The following DCC variants were observed in gnomAD, a reference collection of about 807,000 sequenced individuals.
DCC encodes DCC netrin 1 receptor.
In DCC, 58 loss-of-function variants were observed where a neutral mutation model predicts 172.5. That is an observed-to-expected ratio of 0.34 (90% CI 0.27 to 0.42). The LOEUF (loss-of-function observed/expected upper bound fraction) is 0.42. DCC is among the 10% of genes least tolerant of loss of function. The probability of loss-of-function intolerance (pLI) is 1.00; values close to 1 mark genes in which losing one functional copy is unlikely to be tolerated. For synonymous variants in DCC, 709 were observed against 644.5 expected (o/e 1.10, Z -1.52); for missense variants, 1,740 against 1,791.0 (o/e 0.97, Z 0.51).
chr18:52,774,819 T>C (rs1432410534), intron 2 of DCC, among the ~76,000 whole-genome samples: 1 of 152,188 alleles, frequency 6.6e-6, no homozygotes, highest in Non-Finnish European at 1.5e-5. Context: ...AAGGCATATA[T>C]GACACCTCTA....
At chr18:52,973,253 C>G (rs990067088) in intron 5 of DCC, among the ~76,000 whole-genome samples, 1 of 152,120 alleles carries the variant, frequency 6.6e-6, no homozygotes, top group Non-Finnish European at 1.5e-5. Flanking sequence ...TGTTTAATAA[C>G]TTTAGTTAAA....
chr18:53,031,860 GTA>G (rs1033282565), intron 5 of DCC, among the ~76,000 whole-genome samples: 3 of 152,012 alleles, frequency 2.0e-5, no homozygotes, highest in Admixed American at 6.6e-5. Flanking sequence ...GTGGGAGTGT[GTA>G]TGTGTGTGTG....
At chr18:52,900,132 G>A in intron 2 of DCC, among the ~76,000 whole-genome samples, 1 of 152,164 alleles carries the variant, frequency 6.6e-6, no homozygotes. Flanking sequence ...GCTACTATGA[G>A]GAAGTGAGAA....
chr18:52,506,833 A>C (rs2031246009), intron 1 of DCC, among the ~76,000 whole-genome samples: 1 of 152,120 alleles, frequency 6.6e-6, no homozygotes, highest in African/African-American at 2.4e-5. Context: ...ATGTTTGAAG[A>C]ATAATTTTAG....
intron 1 of DCC, among the ~76,000 whole-genome samples, chr18:52,556,558 G>C (rs972023372): frequency 6.6e-6 from 1 of 152,074 alleles, no homozygotes; most frequent in African/African-American, 2.4e-5. Context: ...CCCAATTCAT[G>C]CAAGGGCAGA....
chr18:52,772,078 A>T (rs1481729951), intron 2 of DCC, among the ~76,000 whole-genome samples: 1 of 152,152 alleles, frequency 6.6e-6, no homozygotes, highest in South Asian at 2.1e-4. Context: ...TCAATGATAC[A>T]TTCTTTTTAC....
intron 15 of DCC, among the ~76,000 whole-genome samples, chr18:53,372,529 T>A (rs549305368): frequency 2.6e-5 from 4 of 152,072 alleles, no homozygotes; most frequent in African/African-American, 9.6e-5. Flanking sequence ...TACCTGGTAA[T>A]AATAATCTGT....
intron 12 of DCC, among the ~76,000 whole-genome samples, chr18:53,235,274 C>G (rs542600154): frequency 2.6e-5 from 4 of 152,230 alleles, no homozygotes; most frequent in Non-Finnish European, 5.9e-5. Flanking sequence ...TTAAAAGACT[C>G]ATTATCCCTG....
chr18:53,348,905 G>A (rs2057755297), intron 15 of DCC, among the ~76,000 whole-genome samples: 1 of 152,124 alleles, frequency 6.6e-6, no homozygotes, highest in African/African-American at 2.4e-5. Context: ...GTCATGGGAG[G>A]GGCTGCACTG....
chr18:52,679,428 C>T (rs2035703320), intron 1 of DCC, among the ~76,000 whole-genome samples: 1 of 151,814 alleles, frequency 6.6e-6, no homozygotes, highest in Non-Finnish European at 1.5e-5. Context: ...AGCTGTTTTC[C>T]CCGTTTCATT....
chr18:53,099,895 A>C (rs188412005), intron 7 of DCC, among the ~76,000 whole-genome samples: 78 of 149,100 alleles, frequency 5.2e-4, no homozygotes, highest in Non-Finnish European at 9.2e-4. Context: ...AGTTAGAGGT[A>C]TATGAGTTTC....
intron 22 of DCC, among the ~76,000 whole-genome samples, chr18:53,443,095 G>A (rs1461986302): frequency 6.6e-6 from 1 of 152,164 alleles, no homozygotes; most frequent in African/African-American, 2.4e-5. Context: ...ATTGATGAAG[G>A]TGGCTGCACT....
chr18:52,414,806 A>G (rs1312800008), intron 1 of DCC, among the ~76,000 whole-genome samples: 1 of 152,224 alleles, frequency 6.6e-6, no homozygotes, highest in East Asian at 1.9e-4. Context: ...GTGTTGCGTG[A>G]AAAATGCAGT....
chr18:53,098,425 T>C (rs1003894212), intron 7 of DCC, among the ~76,000 whole-genome samples: 9 of 152,286 alleles, frequency 5.9e-5, no homozygotes, highest in Admixed American at 1.3e-4. Flanking sequence ...CTGTAACACT[T>C]TTTCCATTTT....
chr18:52,790,638 A>G (rs963904877), intron 2 of DCC, among the ~76,000 whole-genome samples: 4 of 152,228 alleles, frequency 2.6e-5, no homozygotes, highest in African/African-American at 9.6e-5. Flanking sequence ...AGTCTGGGAT[A>G]TCAGAGTTGT....
intron 7 of DCC, among the ~76,000 whole-genome samples, chr18:53,086,418 C>T (rs1413075119): frequency 2.6e-5 from 1 of 38,216 alleles, no homozygotes; most frequent in African/African-American, 3.6e-4. Flanking sequence ...TCTTCTTCTT[C>T]TTCTTCTTCC....
chr18:52,863,746 ATGTT>A (rs1438874877), intron 2 of DCC, among the ~76,000 whole-genome samples: 4 of 151,956 alleles, frequency 2.6e-5, no homozygotes, highest in African/African-American at 4.8e-5. Context: ...TTTAACAACT[ATGTT>A]TGGTAAATTT....
intron 2 of DCC, among the ~76,000 whole-genome samples, chr18:52,835,296 T>C (rs1427203522): frequency 2.2e-5 from 3 of 138,352 alleles, no homozygotes; most frequent in African/African-American, 1.1e-4. Flanking sequence ...AATAATTCAA[T>C]TTTAAAACAC....
intron 1 of DCC, among the ~76,000 whole-genome samples, chr18:52,524,345 A>C (rs1416738820): frequency 2.0e-5 from 3 of 152,220 alleles, no homozygotes; most frequent in Non-Finnish European, 4.4e-5. Flanking sequence ...ATATTCTAAC[A>C]AAACAAGTAA....
Sources: allele counts gnomAD v4.1 joint callset (sites outside exome capture counted in the v4.1 genomes callset), GRCh38; gene constraint gnomAD v4.1.1; transcripts MANE v1.5; gene names NCBI Gene and HGNC (gene_info 2026-07-23, HGNC 2026-07-21).